CDH18: variants seen among roughly 807,000 people sequenced by gnomAD.
CDH18 encodes the protein cadherin-18.
A neutral mutation model predicts 67.9 loss-of-function variants in CDH18; 31 were observed. The ratio of observed to expected loss-of-function variants is 0.46; its 90% CI spans 0.34 to 0.62. The LOEUF is 0.62. Ranked by LOEUF, CDH18 falls within the 20% of genes least tolerant of loss-of-function variation. The pLI, the probability that CDH18 is intolerant of heterozygous loss-of-function variation, is 0.01. For missense variants in CDH18, 890 were observed against 975.5 expected, an observed-to-expected ratio of 0.91 and a Z score of 1.17; for synonymous variants, 362 against 347.2, an observed-to-expected ratio of 1.04 and a Z score of -0.48.
intron 1 of CDH18, among the ~76,000 whole-genome samples, chr5:20,339,786 A>G (rs1011923894): frequency 5.3e-5 from 8 of 152,206 alleles, no homozygotes. Context: ...TGATATGTAT[A>G]TAGAAGCTTT....
At chr5:20,056,985 G>A (rs1303425139) in intron 2 of CDH18, among the ~76,000 whole-genome samples, 3 of 151,824 alleles carry the variant, frequency 2.0e-5, no homozygotes, top group East Asian at 3.9e-4. Context: ...ACGCCCGGCC[G>A]AGTTCTATAT....
At chr5:20,461,449 A>ATCT (rs907410938) in intron 1 of CDH18, among the ~76,000 whole-genome samples, 5 of 152,166 alleles carry the variant, frequency 3.3e-5, no homozygotes, top group African/African-American at 1.2e-4. Flanking sequence ...TAGAAAGATA[A>ATCT]TCTTCTGAGG....
chr5:19,860,396 C>T (rs557846961), intron 2 of CDH18, among the ~76,000 whole-genome samples: 2 of 150,858 alleles, frequency 1.3e-5, no homozygotes, highest in East Asian at 3.9e-4. Context: ...AAATAATCTT[C>T]CCTTATTTTT....
At chr5:20,268,462 G>C (rs1745206264) in intron 1 of CDH18, among the ~76,000 whole-genome samples, 1 of 152,110 alleles carries the variant, frequency 6.6e-6, no homozygotes, top group African/African-American at 2.4e-5. Context: ...AACAGATTGG[G>C]CACAGTGGCT....
At chr5:20,282,197 C>T (rs1363383462) in intron 1 of CDH18, among the ~76,000 whole-genome samples, 4 of 152,208 alleles carry the variant, frequency 2.6e-5, no homozygotes, top group South Asian at 2.1e-4. Flanking sequence ...TAATTGAATA[C>T]CCTTTATTTC....
rs991843633 is a variant in CDH18 at position 19,778,416 on chromosome 5, T to C, written c.229-31180A>G. On this transcript the variant is annotated intron_variant, in intron 3 of 12. Coordinates refer to ENST00000382275, the MANE Select transcript of CDH18 (RefSeq NM_004934.5). ...CAAGAAGAAACAGAACTACCTGAATTCACAAATACTACTGCCTATGTAAAA... is the reference window on the plus strand; with the variant it reads ...CAAGAAGAAACAGAACTACCTGAATCCACAAATACTACTGCCTATGTAAAA... Among the ~76,000 whole-genome samples, 29 of 152,128 alleles carry C rather than the reference T, an allele frequency of 1.9e-4. 2 individuals are homozygous for C.
chr5:20,527,053 A>G (rs1347983486), intron 1 of CDH18, among the ~76,000 whole-genome samples: 5 of 152,126 alleles, frequency 3.3e-5, no homozygotes, highest in African/African-American at 4.8e-5. Flanking sequence ...TAACCAGTTT[A>G]GAGAGGAACA....
At chr5:20,530,462 G>A (rs1756329799) in intron 1 of CDH18, among the ~76,000 whole-genome samples, 1 of 151,920 alleles carries the variant, frequency 6.6e-6, no homozygotes, top group Non-Finnish European at 1.5e-5. Flanking sequence ...AAAGCTGGAG[G>A]CATCACACTA....
intron 2 of CDH18, among the ~76,000 whole-genome samples, chr5:20,164,797 C>T (rs1561842607): frequency 2.0e-5 from 3 of 152,080 alleles, no homozygotes; most frequent in Non-Finnish European, 4.4e-5. Flanking sequence ...AAGTCGTTTA[C>T]CTATTTACAT....
chr5:20,157,893 G>A (rs140909932), intron 2 of CDH18, among the ~76,000 whole-genome samples: 46 of 151,988 alleles, frequency 3.0e-4, no homozygotes, highest in East Asian at 5.8e-4. Context: ...GCCCTCCTTG[G>A]CCTCCCAAAG....
At chr5:19,600,406 T>A (rs1026132752) in intron 6 of CDH18, among the ~76,000 whole-genome samples, 1 of 151,528 alleles carries the variant, frequency 6.6e-6, no homozygotes, top group Non-Finnish European at 1.5e-5. Context: ...TGGTACCAGC[T>A]TTTAATGTCT....
At chr5:20,458,165 T>C (rs894939907) in intron 1 of CDH18, among the ~76,000 whole-genome samples, 19 of 152,186 alleles carry the variant, frequency 1.2e-4, no homozygotes, top group African/African-American at 4.6e-4. Flanking sequence ...TTGTCCAGGC[T>C]GGAATGAAGG....
chr5:19,725,470 A>G (rs950433029), intron 4 of CDH18, among the ~76,000 whole-genome samples: 3 of 152,148 alleles, frequency 2.0e-5, no homozygotes, highest in Non-Finnish European at 4.4e-5. Flanking sequence ...AATTATTTCA[A>G]TTAAAGCTTT....
intron 5 of CDH18, among the ~76,000 whole-genome samples, chr5:19,694,120 A>G (rs958772731): frequency 1.3e-5 from 2 of 152,180 alleles, no homozygotes; most frequent in African/African-American, 4.8e-5. Flanking sequence ...CTCCACAAAT[A>G]AAAATGCTTT....
At chr5:19,967,238 A>C (rs1437785733) in intron 2 of CDH18, among the ~76,000 whole-genome samples, 3 of 152,054 alleles carry the variant, frequency 2.0e-5, no homozygotes, top group Admixed American at 2.0e-4. Flanking sequence ...TACATTAATT[A>C]CAAAAATGAA....
At chr5:19,817,214 A>C (rs1404983398) in intron 3 of CDH18, among the ~76,000 whole-genome samples, 1 of 151,994 alleles carries the variant, frequency 6.6e-6, no homozygotes, top group African/African-American at 2.4e-5. Flanking sequence ...CCAAGTTTTA[A>C]AAACAACCCT....
At chr5:19,952,927 A>G (rs1795939352) in intron 2 of CDH18, among the ~76,000 whole-genome samples, 1 of 152,178 alleles carries the variant, frequency 6.6e-6, no homozygotes, top group South Asian at 2.1e-4. Flanking sequence ...TACCATCTGA[A>G]TTCAGTCTCA....
In CDH18 at chr5:19,689,406, G is replaced by C. The variant is rs562627095; in HGVS notation, c.643+31941C>G. Among the ~76,000 whole-genome samples the C allele has an allele frequency of 5.9e-5, 9 of 151,842 alleles. No individual in the cohort carries two copies. In the South Asian group the frequency reaches 1.9e-3, roughly 32 times the overall value. ...CTAAAAGAAAATTAAAAAAAAATTG[G>C]CAATCAAGATTACTATACACAGCAA... On this transcript the variant is annotated intron_variant, in intron 5 of 12. Coordinates refer to ENST00000382275, the MANE Select transcript of CDH18 (RefSeq NM_004934.5).
intron 2 of CDH18, among the ~76,000 whole-genome samples, chr5:20,095,427 G>GAAAGAAAGAAAGA (rs1554089648): frequency 1.6e-5 from 2 of 122,850 alleles, no homozygotes. Context: ...AAGAAAGAAA[G>GAAAGAAAGAAAGA]AAAGAAAGAA....
Sources: gnomAD v4.1 joint callset for allele counts (sites outside exome capture counted in the v4.1 genomes callset) on GRCh38, gnomAD v4.1.1 for gene constraint, MANE v1.5 for transcripts, NCBI Gene and HGNC (gene_info 2026-07-23, HGNC 2026-07-21) for gene names.